Variants in EYS observed in about 807,000 individuals in gnomAD.
EYS encodes the protein protein eyes shut homolog.
EYS carries 250 observed loss-of-function variants against 282.1 expected under a neutral mutation model. The ratio of observed to expected loss-of-function variants is 0.89; its 90% CI spans 0.80 to 0.98. The LOEUF (loss-of-function observed/expected upper bound fraction) is 0.98, where lower values mean the gene tolerates loss of function less well. EYS is among the 50% of genes least tolerant of loss of function. The probability of loss-of-function intolerance (pLI) is 0.00; values close to 1 mark genes in which losing one functional copy is unlikely to be tolerated. For missense variants in EYS, 4,016 were observed against 3,709.0 expected, an observed-to-expected ratio of 1.08 and a Z score of -2.15; for synonymous variants, 1,355 against 1,282.9, an observed-to-expected ratio of 1.06 and a Z score of -1.20.
chr6:64,669,314 G>A (rs1769353591), intron 22 of EYS, among the ~76,000 whole-genome samples: 1 of 152,122 alleles, frequency 6.6e-6, no homozygotes, highest in Admixed American at 6.6e-5. Context: ...AATCTGTACA[G>A]ATTCTGATCT....
intron 12 of EYS, among the ~76,000 whole-genome samples, chr6:65,235,757 A>G (rs1766906140): frequency 6.6e-6 from 1 of 152,182 alleles, no homozygotes; most frequent in Admixed American, 6.6e-5. Flanking sequence ...CCTCTTAAGT[A>G]ACAAAGCAAA....
intron 12 of EYS, among the ~76,000 whole-genome samples, chr6:65,190,103 A>G (rs938291693): frequency 9.2e-5 from 14 of 151,486 alleles, no homozygotes; most frequent in African/African-American, 3.1e-4. Flanking sequence ...TAAGTTTAGC[A>G]TGATCATTAG....
intron 37 of EYS, among the ~76,000 whole-genome samples, chr6:63,793,530 T>C (rs1482065895): frequency 1.3e-5 from 2 of 152,196 alleles, no homozygotes; most frequent in African/African-American, 2.4e-5. Context: ...TAAAAATGAA[T>C]GGTAAATTTT....
At chr6:65,078,135 A>G (rs1370929543) in intron 12 of EYS, among the ~76,000 whole-genome samples, 1 of 152,022 alleles carries the variant, frequency 6.6e-6, no homozygotes, top group Non-Finnish European at 1.5e-5. Flanking sequence ...TTGTAAGATG[A>G]TTGCTTAATT....
At chr6:65,082,950 T>C (rs1318958349) in intron 12 of EYS, among the ~76,000 whole-genome samples, 2 of 151,992 alleles carry the variant, frequency 1.3e-5, no homozygotes, top group Non-Finnish European at 2.9e-5. Flanking sequence ...GATAAAAGAA[T>C]GCAGATGGGG....
chr6:64,061,445 T>C (rs1245680114), intron 33 of EYS, among the ~76,000 whole-genome samples: 1 of 152,198 alleles, frequency 6.6e-6, no homozygotes. Context: ...TGAATTACAG[T>C]GTACCTGTAG....
intron 5 of EYS, among the ~76,000 whole-genome samples, chr6:65,472,706 G>A (rs917667947): frequency 4.0e-5 from 6 of 151,804 alleles, no homozygotes; most frequent in Admixed American, 6.6e-5. Context: ...ACTAAACTAC[G>A]TATATTTCTG....
intron 31 of EYS, among the ~76,000 whole-genome samples, chr6:64,217,942 A>G (rs568891568): frequency 6.6e-6 from 1 of 152,332 alleles, no homozygotes; most frequent in East Asian, 1.9e-4. Flanking sequence ...GACACATGCT[A>G]GCAGAGCTGA....
At position 65,211,497 on chromosome 6, in the gene EYS, A is replaced by T. The variant is rs1041582668; in HGVS notation, c.2023+84366T>A. ...AGGTCTTACTTTATAAATAAAAACA[A>T]GACAAAAGCTTTATATATATATTCT... On this transcript the variant is annotated intron_variant, in intron 12 of 42. Transcript: ENST00000503581. Among the ~76,000 whole-genome samples the T allele has an allele frequency of 2.0e-5, 3 of 152,072 alleles. No individual in the cohort carries two copies. The East Asian group carries it at 5.8e-4, about 29-fold the overall frequency.
At chr6:65,277,980 T>A (rs1768095482) in intron 12 of EYS, among the ~76,000 whole-genome samples, 2 of 136,414 alleles carry the variant, frequency 1.5e-5, no homozygotes, top group African/African-American at 2.6e-5. Flanking sequence ...GAGGGATTCC[T>A]TCTGTCTGAC....
intron 35 of EYS, among the ~76,000 whole-genome samples, chr6:63,935,808 A>G (rs1224303751): frequency 6.6e-6 from 1 of 152,222 alleles, no homozygotes; most frequent in East Asian, 1.9e-4. Context: ...CCTTTTACAT[A>G]CAATCCTAAT....
At position 64,928,354 on chromosome 6, in the gene EYS, AT is replaced by A. The variant is rs1374717287; in HGVS notation, c.2382-15612del. ...ATATTCTCATGTACATTTTTCCTTT[AT>A]TTCCATATGTGATTACCTTTCTTCC... On this transcript the variant is annotated intron_variant, in intron 15 of 42. Coordinates refer to ENST00000503581, the MANE Select transcript of EYS (RefSeq NM_001142800.2). Among the ~76,000 whole-genome samples, 5 of 152,174 alleles carry A rather than the reference AT, an allele frequency of 3.3e-5. No homozygotes were observed. In the South Asian group the frequency reaches 1.0e-3, roughly 32 times the overall value.
At chr6:64,838,919 C>A (rs1011105318) in intron 19 of EYS, among the ~76,000 whole-genome samples, 1 of 151,966 alleles carries the variant, frequency 6.6e-6, no homozygotes, top group Non-Finnish European at 1.5e-5. Flanking sequence ...GGAGGAGCTG[C>A]AGCTCCATGG....
At position 63,883,989 on chromosome 6, in the gene EYS, C is replaced by T. The variant is rs957928362; in HGVS notation, c.7056-19631G>A. The stretch of plus-strand genomic sequence containing the variant: ...TATAACTGATCACTTTTGAGATGTG[C>T]GTATTTTCTTATTAACTTATTTTAT... On this transcript the variant is annotated intron_variant, in intron 35 of 42. Coordinates refer to ENST00000503581, the MANE Select transcript of EYS (RefSeq NM_001142800.2). 6.6e-5 allele frequency among the ~76,000 whole-genome samples: 10 copies of T among 152,220 alleles called. No homozygotes were observed. In the South Asian group the frequency reaches 1.0e-3, roughly 16 times the overall value.
At chr6:65,073,473 G>T (rs1484309539) in intron 12 of EYS, among the ~76,000 whole-genome samples, 1 of 151,534 alleles carries the variant, frequency 6.6e-6, no homozygotes, top group Non-Finnish European at 1.5e-5. Flanking sequence ...ATGAGAATAG[G>T]TAGTGTGCAC....
intron 24 of EYS, among the ~76,000 whole-genome samples, chr6:64,600,985 T>C (rs1766744257): frequency 6.6e-6 from 1 of 152,100 alleles, no homozygotes; most frequent in African/African-American, 2.4e-5. Flanking sequence ...TGCTGTTAAA[T>C]ACAAAGCACA....
At chr6:64,578,768 T>G (rs980332075) in intron 26 of EYS, among the ~76,000 whole-genome samples, 1 of 152,086 alleles carries the variant, frequency 6.6e-6, no homozygotes, top group Non-Finnish European at 1.5e-5. Flanking sequence ...GTATTCACAA[T>G]AAAATATGCT....
At chr6:65,238,445 T>C (rs976141314) in intron 12 of EYS, among the ~76,000 whole-genome samples, 2 of 151,834 alleles carry the variant, frequency 1.3e-5, no homozygotes, top group Non-Finnish European at 2.9e-5. Flanking sequence ...TGGGTTTGAA[T>C]CCTAGGTTTG....
At chr6:65,366,035 C>A (rs1764902909) in intron 8 of EYS, among the ~76,000 whole-genome samples, 1 of 151,680 alleles carries the variant, frequency 6.6e-6, no homozygotes, top group Non-Finnish European at 1.5e-5. Flanking sequence ...CAGTTAGTGC[C>A]TTTTGTGTAA....
Sources: allele counts gnomAD v4.1 joint callset (sites outside exome capture counted in the v4.1 genomes callset), GRCh38; gene constraint gnomAD v4.1.1; transcripts MANE v1.5; gene names NCBI Gene and HGNC (gene_info 2026-07-23, HGNC 2026-07-21).